Variants in ESYT2 observed in about 807,000 individuals in gnomAD.
ESYT2 encodes extended synaptotagmin-2.
ESYT2 carries 54 observed loss-of-function variants against 107.2 expected under a neutral mutation model. The ratio of observed to expected loss-of-function variants is 0.50; its 90% CI spans 0.40 to 0.63. ESYT2 has a LOEUF of 0.63. Among genes scored for constraint, ESYT2 ranks in the 30% least tolerant of loss-of-function variants. The pLI is 0.00. For missense variants in ESYT2, 1,020 were observed against 1,094.5 expected (o/e 0.93, Z 0.96); for synonymous variants, 491 against 434.1 (o/e 1.13, Z -1.63).
rs144112112 is a variant in ESYT2 at position 158,828,271 on chromosome 7, T to C, written c.330+818A>G. 5.5e-3 allele frequency among the ~76,000 whole-genome samples: 837 copies of C among 152,326 alleles called. 16 individuals are homozygous for C. The highest frequency in any genetic ancestry group is 0.018 in the African/African-American group (764 of 41,590). ...TTAACTTCTCCCCCACCAGCTGTCA[T>C]TACGTTTTTTAAAAAACAGAGAGAA... On this transcript the variant is annotated intron_variant, in intron 1 of 22. Coordinates refer to ENST00000275418, the MANE Select transcript of ESYT2 (RefSeq NM_001367773.1).
At chr7:158,735,338 G>C (rs899600616) in intron 21 of ESYT2, among the ~76,000 whole-genome samples, 165 bp downstream of exon 21, 6 of 152,184 alleles carry the variant, frequency 3.9e-5, no homozygotes, top group Non-Finnish European at 8.8e-5. Context: ...TCTTCAGAAA[G>C]CACAGATGTT....
At chr7:158,769,482 T>A (rs1838279582) in intron 7 of ESYT2, among the ~76,000 whole-genome samples, 1 of 152,246 alleles carries the variant, frequency 6.6e-6, no homozygotes, top group Non-Finnish European at 1.5e-5. Flanking sequence ...ACTGTGGATG[T>A]GGATGCTGCT....
At chr7:158,800,110 G>A (rs1231914125) in intron 1 of ESYT2, among the ~76,000 whole-genome samples, 3 of 147,974 alleles carry the variant, frequency 2.0e-5, no homozygotes, top group Admixed American at 1.4e-4. Context: ...GTGCAGTGGC[G>A]CGATCTCGGC....
chr7:158,822,624 A>G (rs1002364807), intron 1 of ESYT2, among the ~76,000 whole-genome samples: 39 of 151,960 alleles, frequency 2.6e-4, no homozygotes, highest in African/African-American at 7.5e-4. Context: ...ATGTTCAAAT[A>G]TATAAAATTA....
chr7:158,796,169 G>C (rs1443227600), intron 3 of ESYT2, among the ~76,000 whole-genome samples: 1 of 152,158 alleles, frequency 6.6e-6, no homozygotes, highest in Non-Finnish European at 1.5e-5. Context: ...AACGTGTGCA[G>C]ACTGTGTGTG....
intron 16 of ESYT2, among the ~76,000 whole-genome samples, chr7:158,746,274 A>G (rs1316958797): frequency 6.6e-6 from 1 of 151,686 alleles, no homozygotes; most frequent in East Asian, 1.9e-4. Context: ...AACACACAAA[A>G]ATTAGCTGGG....
chr7:158,735,467 C>A (rs3816461), intron 21 of ESYT2, 36 bp downstream of exon 21: 3 of 1,566,446 alleles, frequency 1.9e-6, no homozygotes, highest in East Asian at 2.2e-5. Context: ...ATTTTACAAA[C>A]TGCAGGAACT....
chr7:158,798,511 T>C (rs772710978), intron 2 of ESYT2, among the ~76,000 whole-genome samples: 1 of 151,708 alleles, frequency 6.6e-6, no homozygotes, highest in African/African-American at 2.4e-5. Flanking sequence ...CCAGGCGTGG[T>C]GGTGCGTGCC....
chr7:158,773,819 A>C (rs1354960967), intron 6 of ESYT2, among the ~76,000 whole-genome samples: 1 of 152,196 alleles, frequency 6.6e-6, no homozygotes, highest in Non-Finnish European at 1.5e-5. Context: ...GATGGTACCT[A>C]CCTGCCCTCC....
intron 6 of ESYT2, among the ~76,000 whole-genome samples, 165 bp from the exon 7 acceptor site, chr7:158,773,561 G>A (rs993357364): frequency 6.6e-6 from 1 of 152,144 alleles, no homozygotes; most frequent in Non-Finnish European, 1.5e-5. Flanking sequence ...TTGGTGGTAC[G>A]TGGAGACCTG....
chr7:158,775,457 T>C (rs1838529003), intron 6 of ESYT2, among the ~76,000 whole-genome samples: 1 of 152,234 alleles, frequency 6.6e-6, no homozygotes, highest in Non-Finnish European at 1.5e-5. Context: ...CTGCTACTCC[T>C]TTATCAACTA....
At chr7:158,758,023 C>A (rs1048935676) in intron 13 of ESYT2, among the ~76,000 whole-genome samples, 3 of 152,112 alleles carry the variant, frequency 2.0e-5, no homozygotes, top group Non-Finnish European at 4.4e-5. Context: ...ATAACTTTTT[C>A]CAAATTGAAA....
At chr7:158,827,305 C>T (rs1348443605) in intron 1 of ESYT2, among the ~76,000 whole-genome samples, 3 of 152,102 alleles carry the variant, frequency 2.0e-5, no homozygotes, top group African/African-American at 4.8e-5. Context: ...GATAACATTG[C>T]TATGTTATCA....
chr7:158,768,804 G>A lies in ESYT2; in HGVS notation c.804-1030C>T, dbSNP rs548087060. On this transcript the variant is annotated intron_variant, in intron 7 of 22. Transcript: ENST00000275418. ...ACACTTTGGGGAGGCTAACGTGGGAGGACTGTTTGAGCCCAGGAGCTAGAG... is the reference window on the plus strand; with the variant it reads ...ACACTTTGGGGAGGCTAACGTGGGAAGACTGTTTGAGCCCAGGAGCTAGAG... Among the ~76,000 whole-genome samples, 88 of 152,358 alleles carry A rather than the reference G, an allele frequency of 5.8e-4. 1 individual carries two copies. Among genetic ancestry groups the A allele is most frequent in the Middle Eastern group, 6.8e-3 (2 of 294 alleles).
At chr7:158,792,469 A>G (rs1353329184) in intron 4 of ESYT2, among the ~76,000 whole-genome samples, 1 of 151,486 alleles carries the variant, frequency 6.6e-6, no homozygotes, top group Non-Finnish European at 1.5e-5. Flanking sequence ...TCGAAGCTGC[A>G]GTGAGCCAAG....
At chr7:158,754,762 C>T (rs1485479104) in intron 13 of ESYT2, among the ~76,000 whole-genome samples, 1 of 152,194 alleles carries the variant, frequency 6.6e-6, no homozygotes, top group Non-Finnish European at 1.5e-5. Context: ...TCTGGGCCCA[C>T]GCTGAGTTCC....
At chr7:158,780,878 C>CCACAGG (rs1478142993) in intron 6 of ESYT2, among the ~76,000 whole-genome samples, 1 of 152,114 alleles carries the variant, frequency 6.6e-6, no homozygotes, top group Non-Finnish European at 1.5e-5. Flanking sequence ...GAGCCAGAGG[C>CCACAGG]TGTAATGACG....
intron 13 of ESYT2, among the ~76,000 whole-genome samples, chr7:158,753,104 C>A (rs1837634028): frequency 6.6e-6 from 1 of 152,220 alleles, no homozygotes; most frequent in African/African-American, 2.4e-5. Context: ...ACTACCCCCA[C>A]CCTCTTGATC....
At chr7:158,748,012 C>A (rs1166351811) in intron 16 of ESYT2, among the ~76,000 whole-genome samples, 182 bp downstream of exon 16, 1 of 152,156 alleles carries the variant, frequency 6.6e-6, no homozygotes, top group African/African-American at 2.4e-5. Context: ...TCTACAGTGA[C>A]CAAAGGCAGG....
Sources: allele counts gnomAD v4.1 joint callset (sites outside exome capture counted in the v4.1 genomes callset), GRCh38; gene constraint gnomAD v4.1.1; transcripts MANE v1.5; gene names NCBI Gene and HGNC (gene_info 2026-07-23, HGNC 2026-07-21).